Variants in ALK observed in about 807,000 individuals in gnomAD.
ALK encodes ALK receptor tyrosine kinase.
Under a neutral mutation model 163.1 loss-of-function variants are expected in ALK, and 74 were observed. The ratio of observed to expected loss-of-function variants is 0.45; its 90% CI spans 0.38 to 0.55. The LOEUF is 0.55. Ranked by LOEUF, ALK falls within the 20% of genes least tolerant of loss-of-function variation. The probability of loss-of-function intolerance (pLI) is 0.00; values close to 1 mark genes in which losing one functional copy is unlikely to be tolerated. For missense variants in ALK, 2,063 were observed against 2,105.3 expected (o/e 0.98, Z 0.39); for synonymous variants, 960 against 843.2 (o/e 1.14, Z -2.40).
intron 4 of ALK, among the ~76,000 whole-genome samples, chr2:29,457,173 T>C (rs1475547223): frequency 6.6e-6 from 1 of 152,130 alleles, no homozygotes; most frequent in Non-Finnish European, 1.5e-5. Flanking sequence ...GGGAGTATCC[T>C]TCCTTACCTA....
At chr2:29,617,513 C>T (rs1675880557) in intron 3 of ALK, among the ~76,000 whole-genome samples, 1 of 152,186 alleles carries the variant, frequency 6.6e-6, no homozygotes, top group Non-Finnish European at 1.5e-5. Flanking sequence ...GCATATAGTC[C>T]AGTGACTAGC....
In ALK at chr2:29,396,835, G is replaced by GGTTTT. The variant is rs1558306513; in HGVS notation, c.1155-12981_1155-12977dup. ...GTACCCAGAGGCCCTTTGTTACTAT[G>GGTTTT]GTTTTTTTTTTTTTTTTTTTTTTTT... is the stretch of plus-strand genomic sequence containing the variant. On this transcript the variant is annotated intron_variant, in intron 4 of 28. Transcript: ENST00000389048. Among the ~76,000 whole-genome samples, 2 of 35,726 alleles carry GGTTTT rather than the reference G, an allele frequency of 5.6e-5. 1 individual carries two copies. Among genetic ancestry groups the GGTTTT allele is most frequent in the African/African-American group, 2.4e-4 (2 of 8,466 alleles). The allele number at this position is 35,726 out of a possible 152,430, so 23.4% of individuals were successfully genotyped here.
rs188641010 is a variant in ALK, at chr2:29,202,858, A to G, written c.3938+4313T>C. 4.4e-3 allele frequency among the ~76,000 whole-genome samples: 671 copies of G among 152,284 alleles called. 2 individuals are homozygous for G. Among genetic ancestry groups the G allele is most frequent in the African/African-American group, 0.014 (595 of 41,546 alleles). On this transcript the variant is annotated intron_variant, in intron 26 of 28. Coordinates refer to ENST00000389048, the MANE Select transcript of ALK (RefSeq NM_004304.5). ...TTTTGCTTTTTCTCTATTGTAAACA[A>G]TGTTGCAAGTGAACATCCAGCGCCC...
intron 4 of ALK, among the ~76,000 whole-genome samples, chr2:29,514,169 T>C (rs1672596429): frequency 6.9e-6 from 1 of 144,878 alleles, no homozygotes; most frequent in Admixed American, 7.0e-5. Context: ...CAAAGGACTA[T>C]AAATCATGCT....
At chr2:29,612,312 T>C (rs906282768) in intron 3 of ALK, among the ~76,000 whole-genome samples, 1 of 152,196 alleles carries the variant, frequency 6.6e-6, no homozygotes, top group Non-Finnish European at 1.5e-5. Flanking sequence ...CCTGTGCTTT[T>C]AGCTGTGTGT....
intron 3 of ALK, among the ~76,000 whole-genome samples, chr2:29,574,989 C>T (rs1271499780): frequency 6.6e-6 from 1 of 152,298 alleles, no homozygotes; most frequent in East Asian, 1.9e-4. Context: ...CAGGCAGGCA[C>T]AACCAGCGGC....
At chr2:29,434,384 T>A (rs1253899900) in intron 4 of ALK, among the ~76,000 whole-genome samples, 1 of 152,212 alleles carries the variant, frequency 6.6e-6, no homozygotes, top group Non-Finnish European at 1.5e-5. Flanking sequence ...CTCCCACGCC[T>A]GCTTTGTCTC....
At chr2:29,826,403 C>T (rs1049721635) in intron 1 of ALK, among the ~76,000 whole-genome samples, 3 of 149,740 alleles carry the variant, frequency 2.0e-5, no homozygotes, top group Admixed American at 6.7e-5. Flanking sequence ...CAATGAGAAT[C>T]ATCAAAATAT....
chr2:29,697,918 GC>G (rs1355854343), intron 2 of ALK, among the ~76,000 whole-genome samples: 1 of 152,364 alleles, frequency 6.6e-6, no homozygotes, highest in East Asian at 1.9e-4. Flanking sequence ...CCCATAGACA[GC>G]TGGCCCTGCT....
Position 29,714,262 on chromosome 2 carries a change from G to A in ALK, c.787+3316C>T, listed in dbSNP as rs17008516. On this transcript the variant is annotated intron_variant, in intron 2 of 28. Coordinates refer to ENST00000389048, the MANE Select transcript of ALK (RefSeq NM_004304.5). ...CTGATGATGAAATTAGTGGGCGCTC[G>A]TCATTCAACACAAAGGCGAGAAACG... Among the ~76,000 whole-genome samples, 547 of 152,154 alleles carry A rather than the reference G, an allele frequency of 3.6e-3. 2 individuals carry two copies. Among genetic ancestry groups the A allele is most frequent in the African/African-American group, 0.013 (522 of 41,500 alleles).
intron 4 of ALK, among the ~76,000 whole-genome samples, chr2:29,393,581 A>G (rs1217491196): frequency 6.6e-6 from 1 of 152,210 alleles, no homozygotes; most frequent in African/African-American, 2.4e-5. Flanking sequence ...CCCTTCTGCA[A>G]TGGCTCACTC....
chr2:29,878,316 T>A (rs1025847931), intron 1 of ALK, among the ~76,000 whole-genome samples: 4 of 151,920 alleles, frequency 2.6e-5, no homozygotes, highest in African/African-American at 4.8e-5. Flanking sequence ...CTCTAGGAGG[T>A]TGATTGAAAA....
chr2:29,467,458 C>T (rs1272833834), intron 4 of ALK, among the ~76,000 whole-genome samples: 2 of 152,298 alleles, frequency 1.3e-5, no homozygotes, highest in East Asian at 3.9e-4. Flanking sequence ...AATTAGTCTT[C>T]CTTTTCCACT....
At chr2:29,911,118 G>T (rs543480566) in intron 1 of ALK, among the ~76,000 whole-genome samples, 2 of 152,310 alleles carry the variant, frequency 1.3e-5, no homozygotes, top group South Asian at 4.1e-4. Flanking sequence ...TTTTGTCTGT[G>T]AACTGAATGC....
intron 1 of ALK, among the ~76,000 whole-genome samples, chr2:29,769,858 C>G (rs991705712): frequency 6.6e-6 from 1 of 152,176 alleles, no homozygotes; most frequent in African/African-American, 2.4e-5. Context: ...AGACTGATAG[C>G]CAATTGATTG....
intron 1 of ALK, among the ~76,000 whole-genome samples, chr2:29,869,783 TA>T (rs1376271867): frequency 6.6e-6 from 1 of 151,768 alleles, no homozygotes; most frequent in Non-Finnish European, 1.5e-5. Flanking sequence ...TAAAAGAAAA[TA>T]AACTAAAAAC....
chr2:29,628,120 A>G (rs1195707182), intron 3 of ALK, among the ~76,000 whole-genome samples: 2 of 152,228 alleles, frequency 1.3e-5, no homozygotes, highest in Non-Finnish European at 2.9e-5. Flanking sequence ...AAAGTTAAAA[A>G]GTATGCATTA....
chr2:29,321,477 A>C (rs1667044944), intron 6 of ALK, among the ~76,000 whole-genome samples: 1 of 152,256 alleles, frequency 6.6e-6, no homozygotes, highest in African/African-American at 2.4e-5. Context: ...ACCCGCTTGC[A>C]GTTAAGTGAA....
chr2:29,405,187 T>C (rs1451351846), intron 4 of ALK, among the ~76,000 whole-genome samples: 1 of 152,176 alleles, frequency 6.6e-6, no homozygotes, highest in African/African-American at 2.4e-5. Flanking sequence ...CACATTTTCT[T>C]TGTTGTTCAT....
Sources: allele counts gnomAD v4.1 joint callset (sites outside exome capture counted in the v4.1 genomes callset), GRCh38; gene constraint gnomAD v4.1.1; transcripts MANE v1.5; gene names NCBI Gene and HGNC (gene_info 2026-07-23, HGNC 2026-07-21).